Variants in UGT1A9 observed in about 807,000 individuals in gnomAD.
UGT1A9 encodes UDP glucuronosyltransferase family 1 member A9.
Under a neutral mutation model 45.0 loss-of-function variants are expected in UGT1A9, and 35 were observed. That is an observed-to-expected ratio of 0.78 (90% confidence interval 0.59 to 1.03). The LOEUF (loss-of-function observed/expected upper bound fraction) is 1.03, where lower values mean the gene tolerates loss of function less well. UGT1A9 is among the 50% of genes least tolerant of loss of function. UGT1A9 has a pLI of 0.00. For synonymous variants in UGT1A9, 278 were observed against 250.6 expected, an observed-to-expected ratio of 1.11 and a Z score of -1.03; for missense variants, 687 against 666.6, an observed-to-expected ratio of 1.03 and a Z score of -0.34.
In UGT1A9 at chr2:233,759,969, C is replaced by T. The variant is rs922270020; in HGVS notation, c.856-7065C>T. Among the ~76,000 whole-genome samples the T allele has an allele frequency of 3.3e-5, 5 of 152,292 alleles. No homozygotes were observed. The East Asian group carries it at 9.6e-4, about 29-fold the overall frequency. On this transcript the variant is annotated intron_variant, in intron 1 of 4. Transcript: ENST00000354728. ...GTTCACTACATAGTCGTCCTTCTTC[C>T]TCTCTGGTAACACTTGTTGGTCTGT...
intron 1 of UGT1A9, among the ~76,000 whole-genome samples, chr2:233,748,966 G>A (rs1694075594): frequency 6.6e-6 from 1 of 151,630 alleles, no homozygotes; most frequent in Non-Finnish European, 1.5e-5. Flanking sequence ...AGTTTCTATA[G>A]TGGGATCTAC....
At chr2:233,729,677 G>A (rs2077906321) in intron 1 of UGT1A9, 6 of 1,613,888 alleles carry the variant, frequency 3.7e-6, no homozygotes, top group Middle Eastern at 1.7e-4. Context: ...GACTTTAAGG[G>A]CACACAGTGT....
At chr2:233,761,193 A>G (rs764178788) in intron 1 of UGT1A9, 2 of 1,614,148 alleles carry the variant, frequency 1.2e-6, no homozygotes, top group Non-Finnish European at 8.5e-7. Context: ...ATATTCTTTC[A>G]GATGTATTAC....
At chr2:233,763,669 C>T (rs902437322) in intron 1 of UGT1A9, among the ~76,000 whole-genome samples, 1 of 152,168 alleles carries the variant, frequency 6.6e-6, no homozygotes, top group Non-Finnish European at 1.5e-5. Context: ...AACTCCTGAA[C>T]TTTAAGAATA....
intron 1 of UGT1A9, among the ~76,000 whole-genome samples, chr2:233,740,004 G>C (rs1691279372): frequency 6.6e-6 from 1 of 151,810 alleles, no homozygotes; most frequent in African/African-American, 2.4e-5. Context: ...GTCATACTAA[G>C]TGAGTTCTCA....
chr2:233,757,160 CAG>C (rs980635310), intron 1 of UGT1A9, among the ~76,000 whole-genome samples: 33 of 151,262 alleles, frequency 2.2e-4, no homozygotes, highest in African/African-American at 7.8e-4. Context: ...GGGTCTATCC[CAG>C]AGTTTTGAGA....
chr2:233,690,660 A>T, intron 1 of UGT1A9: 1 of 1,280,446 alleles, frequency 7.8e-7, no homozygotes, highest in Non-Finnish European at 1.0e-6. Context: ...TACAGCACCA[A>T]CCAGGGCAGG....
chr2:233,718,363 A>G (rs2076649552), intron 1 of UGT1A9, among the ~76,000 whole-genome samples: 1 of 152,246 alleles, frequency 6.6e-6, no homozygotes, highest in Non-Finnish European at 1.5e-5. Flanking sequence ...TGTGTTATTC[A>G]CATATGAGAA....
At chr2:233,729,707 T>C (rs2125746901) in intron 1 of UGT1A9, 1 of 1,613,988 alleles carries the variant, frequency 6.2e-7, no homozygotes, top group Non-Finnish European at 8.5e-7. Flanking sequence ...TCCTCCTATA[T>C]TCCTAGATTA....
intron 1 of UGT1A9, among the ~76,000 whole-genome samples, chr2:233,705,146 AAAAG>A (rs908627125): frequency 7.2e-5 from 11 of 152,126 alleles, no homozygotes; most frequent in African/African-American, 2.2e-4. Flanking sequence ...GAAAAAAAAA[AAAAG>A]AGAGAGAGAG....
At chr2:233,754,790 T>C (rs1308374413) in intron 1 of UGT1A9, 13 of 1,196,884 alleles carry the variant, frequency 1.1e-5, no homozygotes, top group Non-Finnish European at 1.4e-5. Context: ...AGGAACGAAA[T>C]CCTGTATCAA....
Position 233,719,571 on chromosome 2 carries a change from T to C in UGT1A9, c.855+46782T>C, listed in dbSNP as rs749406769. The C allele has an allele frequency of 1.9e-5, 31 of 1,613,788 alleles. No individual in the cohort carries two copies. Among genetic ancestry groups the C allele is most frequent in the Non-Finnish European group, 2.2e-5 (26 of 1,179,874 alleles). ...GGTGTCAGTGGTGGATCTTGTCAGC[T>C]ATGCATCCGTGTGGCTGTTCCGAGG... On this transcript the variant is annotated intron_variant, in intron 1 of 4. Coordinates refer to ENST00000354728, the MANE Select transcript of UGT1A9 (RefSeq NM_021027.3).
Position 233,767,033 on chromosome 2 carries a change from G to A in UGT1A9, c.856-1G>A, listed in dbSNP as rs1285708223. The stretch of plus-strand genomic sequence containing the variant: ...ACTGAAAATTTTTCTTCTGGCTCTA[G>A]GAATTTGAAGCCTACATTAATGCTT... On this transcript the variant is annotated splice_acceptor_variant, in intron 1 of 4. Coordinates refer to ENST00000354728, the MANE Select transcript of UGT1A9 (RefSeq NM_021027.3). LOFTEE classifies it high-confidence loss of function. 3 of 1,614,026 alleles carry A rather than the reference G, an allele frequency of 1.9e-6. No individual in the cohort carries two copies. The highest frequency in any genetic ancestry group is 2.5e-6 in the Non-Finnish European group (3 of 1,180,004).
At position 233,747,357 on chromosome 2, in the gene UGT1A9, C is replaced by T. The variant is rs115834808; in HGVS notation, c.856-19677C>T. On this transcript the variant is annotated intron_variant, in intron 1 of 4. Coordinates refer to ENST00000354728, the MANE Select transcript of UGT1A9 (RefSeq NM_021027.3). ...ACTGGCTCGCATGCGGGAGGCCGTG[C>T]GGGAGCTCCATGCCAGAGGCCACCA... 7.9e-3 allele frequency: 12,675 copies of T among 1,602,394 alleles called. 83 individuals are homozygous for T. The highest frequency in any genetic ancestry group is 9.8e-3 in the Non-Finnish European group (11,526 of 1,171,410).
intron 1 of UGT1A9, among the ~76,000 whole-genome samples, chr2:233,745,719 G>A (rs946550839): frequency 2.7e-5 from 4 of 150,636 alleles, no homozygotes; most frequent in African/African-American, 5.0e-5. Flanking sequence ...CAGAATGGCT[G>A]GAGGGTAAGA....
At chr2:233,684,379 A>G (rs890884071) in intron 1 of UGT1A9, among the ~76,000 whole-genome samples, 17 of 152,160 alleles carry the variant, frequency 1.1e-4, no homozygotes, top group African/African-American at 4.1e-4. Flanking sequence ...CCCTCCATCA[A>G]TTACAGCACC....
chr2:233,738,593 G>A (rs971554241), intron 1 of UGT1A9, among the ~76,000 whole-genome samples: 1 of 152,204 alleles, frequency 6.6e-6, no homozygotes, highest in Non-Finnish European at 1.5e-5. Context: ...GGTCACTCTT[G>A]CTAAGCTTTA....
intron 1 of UGT1A9, among the ~76,000 whole-genome samples, chr2:233,686,505 G>A (rs1407378140): frequency 6.6e-6 from 1 of 152,032 alleles, no homozygotes; most frequent in Non-Finnish European, 1.5e-5. Context: ...GTGAGCCCAG[G>A]TGGAGCCTCC....
chr2:233,705,009 G>A (rs533483147), intron 1 of UGT1A9, among the ~76,000 whole-genome samples: 48 of 152,132 alleles, frequency 3.2e-4, no homozygotes, highest in African/African-American at 1.1e-3. Context: ...GGTGGCAGGC[G>A]CCTGTAATCC....
Sources: gnomAD v4.1 joint callset for allele counts (sites outside exome capture counted in the v4.1 genomes callset) on GRCh38, gnomAD v4.1.1 for gene constraint, MANE v1.5 for transcripts, NCBI Gene and HGNC (gene_info 2026-07-23, HGNC 2026-07-21) for gene names.